The following SCN8A variants were observed in gnomAD, a reference collection of about 807,000 sequenced individuals.
SCN8A encodes sodium channel protein type 8 subunit alpha.
In SCN8A, 30 loss-of-function variants were observed where a neutral mutation model predicts 184.1. The ratio of observed to expected loss-of-function variants is 0.16; its 90% CI spans 0.12 to 0.22. SCN8A has a LOEUF of 0.22. Among genes scored for constraint, SCN8A ranks in the 10% least tolerant of loss-of-function variants. SCN8A has a pLI of 1.00. For synonymous variants in SCN8A, 852 were observed against 907.0 expected, an observed-to-expected ratio of 0.94 and a Z score of 1.09; for missense variants, 1,057 against 2,498.9, an observed-to-expected ratio of 0.42 and a Z score of 12.30.
At chr12:51,729,796 G>A (rs926937296) in intron 12 of SCN8A, among the ~76,000 whole-genome samples, 1 of 152,034 alleles carries the variant, frequency 6.6e-6, no homozygotes, top group Non-Finnish European at 1.5e-5. Flanking sequence ...AATGTATTAG[G>A]GTTACACTTG....
At chr12:51,697,330 C>G (rs1421391620) in intron 6 of SCN8A, among the ~76,000 whole-genome samples, 1 of 152,082 alleles carries the variant, frequency 6.6e-6, no homozygotes, top group Non-Finnish European at 1.5e-5. Flanking sequence ...CTCTTAGATC[C>G]CTTTTAAGAT....
chr12:51,706,157 G>A (rs1369864319), intron 10 of SCN8A, among the ~76,000 whole-genome samples: 1 of 152,110 alleles, frequency 6.6e-6, no homozygotes, highest in East Asian at 1.9e-4. Flanking sequence ...TGCTCAGAAG[G>A]GATCCTCTGG....
chr12:51,750,839 G>A (rs1942583758), intron 13 of SCN8A, among the ~76,000 whole-genome samples: 1 of 152,126 alleles, frequency 6.6e-6, no homozygotes, highest in South Asian at 2.1e-4. Context: ...TGGCTTCTCT[G>A]ACAATAATTG....
chr12:51,632,782 A>G (rs887102492), intron 1 of SCN8A, among the ~76,000 whole-genome samples: 2 of 152,202 alleles, frequency 1.3e-5, no homozygotes, highest in East Asian at 3.9e-4. Flanking sequence ...CATCATGTCA[A>G]CCCCTCTTCC....
intron 12 of SCN8A, among the ~76,000 whole-genome samples, chr12:51,725,729 T>C (rs1942146076): frequency 1.3e-5 from 2 of 152,218 alleles, no homozygotes; most frequent in South Asian, 4.1e-4. Flanking sequence ...TTAAGACTTT[T>C]ATATTATTCA....
intron 1 of SCN8A, among the ~76,000 whole-genome samples, chr12:51,639,062 C>T (rs76741556): frequency 0.018 from 2,739 of 151,984 alleles, 76 homozygotes; most frequent in African/African-American, 0.06. Flanking sequence ...CTCACTGCAG[C>T]CTTGACCTCC....
At chr12:51,667,714 T>A (rs1390883894) in intron 2 of SCN8A, among the ~76,000 whole-genome samples, 1 of 152,208 alleles carries the variant, frequency 6.6e-6, no homozygotes, top group African/African-American at 2.4e-5. Context: ...TAGGTTAAGC[T>A]GAAACAAGGC....
intron 11 of SCN8A, among the ~76,000 whole-genome samples, chr12:51,720,439 A>G (rs74208084): frequency 0.054 from 7,029 of 129,872 alleles, 265 homozygotes; most frequent in South Asian, 0.12. Context: ...GGAACAACAC[A>G]TACTGGGGCC....
intron 11 of SCN8A, among the ~76,000 whole-genome samples, chr12:51,708,327 A>G (rs1360108673): frequency 6.6e-6 from 1 of 152,202 alleles, no homozygotes; most frequent in Admixed American, 6.5e-5. Context: ...CAACTTTGAT[A>G]AATAAGGAAA....
chr12:51,666,046 A>T (rs11169899), intron 2 of SCN8A, among the ~76,000 whole-genome samples: 2,215 of 152,302 alleles, frequency 0.015, 25 homozygotes, highest in Non-Finnish European at 0.023. Flanking sequence ...TGGGTGACAG[A>T]GTGAGAGTCT....
chr12:51,615,219 T>C (rs1029150549), intron 1 of SCN8A, among the ~76,000 whole-genome samples: 1 of 152,182 alleles, frequency 6.6e-6, no homozygotes, highest in African/African-American at 2.4e-5. Flanking sequence ...AAGTGTTCAG[T>C]CTACTTAGAA....
At chr12:51,610,565 G>A (rs1386502257) in intron 1 of SCN8A, among the ~76,000 whole-genome samples, 2 of 152,122 alleles carry the variant, frequency 1.3e-5, no homozygotes, top group Non-Finnish European at 2.9e-5. Context: ...GCTCGTTTTA[G>A]CAGTTCTTGT....
At chr12:51,754,984 TC>T (rs1942652271) in intron 14 of SCN8A, among the ~76,000 whole-genome samples, 1 of 152,190 alleles carries the variant, frequency 6.6e-6, no homozygotes, top group Non-Finnish European at 1.5e-5. Context: ...TTACAGTAAG[TC>T]CCCACTTAAC....
In SCN8A at chr12:51,721,896, T is replaced by C; in HGVS notation, c.1986T>C (p.Arg662=). 6.2e-7 allele frequency: 1 copy of C among 1,600,206 alleles called. No homozygotes were observed. Among genetic ancestry groups the C allele is most frequent in the Non-Finnish European group, 8.5e-7 (1 of 1,179,752 alleles). The part of the protein sequence containing the change: ...IGGPGSHIGG[R]LLPEATTEVE... ...GCCCCGGCTCCCACATCGGCGGGCG[T>C]CTCCTGCCAGAGGTGAAAATTGATA... The change falls in exon 12 of 27, where the codon CGT becomes CGC. Residue 662 remains arginine (R), a synonymous_variant. Coordinates refer to ENST00000627620, the MANE Select transcript of SCN8A (RefSeq NM_001330260.2).
rs569605201 is a variant in SCN8A, at chr12:51,763,447, T to C, written c.2544+771T>C. Among the ~76,000 whole-genome samples, 3 of 152,364 alleles carry C rather than the reference T, an allele frequency of 2.0e-5. No homozygotes were observed. The East Asian group carries it at 5.8e-4, about 29-fold the overall frequency. On this transcript the variant is annotated intron_variant, in intron 15 of 26. Transcript: ENST00000627620. ...GTGATGTTCAGTAGGTTACGTATAT[T>C]AAATGCATTTTTACTTACAGCAGTT... is the stretch of plus-strand genomic sequence containing the variant.
intron 16 of SCN8A, 72 bp from the exon 17 acceptor site, chr12:51,768,793 C>A: frequency 7.7e-7 from 1 of 1,303,178 alleles, no homozygotes; most frequent in African/African-American, 1.5e-5. Flanking sequence ...CCATTGGCTT[C>A]CAGTTTGCAA....
intron 12 of SCN8A, among the ~76,000 whole-genome samples, chr12:51,735,234 A>C (rs1942305282): frequency 6.6e-6 from 1 of 152,230 alleles, no homozygotes; most frequent in South Asian, 2.1e-4. Flanking sequence ...ATCTGAACAT[A>C]GTCTGGCCAT....
intron 1 of SCN8A, among the ~76,000 whole-genome samples, chr12:51,619,606 G>T (rs1478178981): frequency 1.8e-4 from 27 of 151,936 alleles, no homozygotes; most frequent in Non-Finnish European, 1.5e-5. Flanking sequence ...TTCAAACTCA[G>T]GTTAACATTT....
intron 1 of SCN8A, among the ~76,000 whole-genome samples, chr12:51,633,679 C>T (rs1940250600): frequency 1.3e-5 from 2 of 152,102 alleles, no homozygotes; most frequent in South Asian, 4.2e-4. Flanking sequence ...ACTGTTGGAT[C>T]GTTTCTGTAC....
Sources: gnomAD v4.1 joint callset for allele counts (sites outside exome capture counted in the v4.1 genomes callset) on GRCh38, gnomAD v4.1.1 for gene constraint, MANE v1.5 for transcripts, NCBI Gene and HGNC (gene_info 2026-07-23, HGNC 2026-07-21) for gene names.